ABCC4: variants seen among roughly 807,000 people sequenced by gnomAD.
ABCC4 encodes ATP binding cassette subfamily C member 4 (PEL blood group), also known as ATP-binding cassette sub-family C member 4.
In ABCC4, 102 loss-of-function variants were observed where a neutral mutation model predicts 168.5. That is an observed-to-expected ratio of 0.61 (90% CI 0.52 to 0.71). The LOEUF is 0.71. ABCC4 is among the 30% of genes least tolerant of loss of function. The probability of loss-of-function intolerance (pLI) is 0.00; values close to 1 mark genes in which losing one functional copy is unlikely to be tolerated. For synonymous variants in ABCC4, 617 were observed against 590.7 expected, an observed-to-expected ratio of 1.04 and a Z score of -0.65; for missense variants, 1,402 against 1,605.8, an observed-to-expected ratio of 0.87 and a Z score of 2.17.
At chr13:95,125,572 C>T (rs1223171039) in intron 19 of ABCC4, among the ~76,000 whole-genome samples, 1 of 152,072 alleles carries the variant, frequency 6.6e-6, no homozygotes, top group Non-Finnish European at 1.5e-5. Flanking sequence ...GACATGCAGC[C>T]TAATAAAAGG....
chr13:95,238,291 G>A (rs7329532), intron 3 of ABCC4, among the ~76,000 whole-genome samples: 4,396 of 151,988 alleles, frequency 0.029, 193 homozygotes, highest in African/African-American at 0.096. Flanking sequence ...TGAATCTGGG[G>A]AAATAATAAC....
intron 1 of ABCC4, among the ~76,000 whole-genome samples, chr13:95,282,172 A>T (rs9524881): frequency 0.35 from 53,495 of 151,654 alleles, 11,625 homozygotes; most frequent in Non-Finnish European, 0.48. Context: ...CTTCAAATAC[A>T]ATCACATTCT....
At chr13:95,272,208 C>T (rs1159785163) in intron 1 of ABCC4, among the ~76,000 whole-genome samples, 19 of 152,144 alleles carry the variant, frequency 1.2e-4, no homozygotes, top group Admixed American at 1.2e-3. Flanking sequence ...GCACACCCGG[C>T]TAATTTTTTG....
intron 4 of ABCC4, among the ~76,000 whole-genome samples, chr13:95,224,270 T>C (rs2039393525): frequency 6.6e-6 from 1 of 150,880 alleles, no homozygotes; most frequent in Admixed American, 6.6e-5. Context: ...AACAACTTAT[T>C]AGAAAGAATG....
At chr13:95,260,418 C>A (rs1019209359) in intron 1 of ABCC4, among the ~76,000 whole-genome samples, 6 of 152,164 alleles carry the variant, frequency 3.9e-5, no homozygotes, top group African/African-American at 1.4e-4. Context: ...AGTGGCGGTC[C>A]TTAAAAAGCT....
Position 95,177,716 on chromosome 13 carries a change from A to C in ABCC4, c.1718T>G (p.Leu573Trp). 1 of 1,609,598 alleles carries C rather than the reference A, an allele frequency of 6.2e-7. No individual in the cohort carries two copies. Among genetic ancestry groups the C allele is most frequent in the Non-Finnish European group, 8.5e-7 (1 of 1,176,558 alleles). The change falls in exon 13 of 31, where the codon TTG (leucine) becomes TGG (tryptophan). Residue 573 changes from leucine to tryptophan, a missense_variant. Leu to Trp is a moderately conservative substitution (Grantham distance 61). Transcript: ENST00000645237. ...SAVDAEVSRH[L>W]FELCICQILH... Reference sequence around the variant, plus strand: ...ACACAAACACACTCACAGTTCGAACAAGTGTCTGCTAACTTCCGCATCTAC... The same window carrying C: ...ACACAAACACACTCACAGTTCGAACCAGTGTCTGCTAACTTCCGCATCTAC...
At chr13:95,197,414 A>G (rs946984391) in intron 8 of ABCC4, among the ~76,000 whole-genome samples, 20 of 152,246 alleles carry the variant, frequency 1.3e-4, no homozygotes, top group African/African-American at 4.6e-4. Context: ...CAAAATAAAA[A>G]ACTATGCACA....
At chr13:95,164,652 T>C (rs995943705) in intron 15 of ABCC4, 134 bp from the exon 16 acceptor site, 53 of 851,232 alleles carry the variant, frequency 6.2e-5, no homozygotes, top group Non-Finnish European at 8.5e-5. Context: ...TGGAGAAGGG[T>C]GTGGAAATAG....
chr13:95,125,822 G>C (rs1036363797), intron 19 of ABCC4, among the ~76,000 whole-genome samples: 2 of 152,144 alleles, frequency 1.3e-5, no homozygotes, highest in Non-Finnish European at 2.9e-5. Context: ...AAAAAAGTTA[G>C]GAAGACAGAC....
At chr13:95,137,884 A>G (rs2139470219) in intron 19 of ABCC4, among the ~76,000 whole-genome samples, 1 of 152,314 alleles carries the variant, frequency 6.6e-6, no homozygotes, top group Non-Finnish European at 1.5e-5. Flanking sequence ...AGGGAGGCAA[A>G]CTGTTTGACA....
chr13:95,053,337 A>G (rs1006066524), intron 26 of ABCC4, among the ~76,000 whole-genome samples, 153 bp from the exon 27 acceptor site: 10 of 152,366 alleles, frequency 6.6e-5, no homozygotes, highest in African/African-American at 2.2e-4. Context: ...CAACATATCT[A>G]TTAATGTTCC....
In ABCC4 at chr13:95,237,670, C is replaced by G. The variant is rs114572862; in HGVS notation, c.307-2836G>C. ...CCTGACATTCGAGCCCCATCCCTTG[C>G]TTTCTTGGAGTGACACATTACATGT... On this transcript the variant is annotated intron_variant, in intron 3 of 30. Coordinates refer to ENST00000645237, the MANE Select transcript of ABCC4 (RefSeq NM_005845.5). 5.7e-3 allele frequency among the ~76,000 whole-genome samples: 873 copies of G among 152,256 alleles called. 10 individuals carry two copies. Among genetic ancestry groups the G allele is most frequent in the African/African-American group, 0.019 (795 of 41,550 alleles).
At chr13:95,281,702 C>T (rs60211292) in intron 1 of ABCC4, among the ~76,000 whole-genome samples, 1,782 of 152,292 alleles carry the variant, frequency 0.012, 34 homozygotes, top group African/African-American at 0.04. Flanking sequence ...GGACACATTA[C>T]TGCCCTACAA....
intron 1 of ABCC4, among the ~76,000 whole-genome samples, chr13:95,282,573 C>T (rs201435596): frequency 1.3e-5 from 2 of 151,638 alleles, no homozygotes; most frequent in Admixed American, 6.6e-5. Context: ...CTTGCTCTGT[C>T]GCCCAGGCTG....
intron 4 of ABCC4, among the ~76,000 whole-genome samples, chr13:95,215,405 A>T (rs2039082749): frequency 6.6e-6 from 1 of 152,194 alleles, no homozygotes; most frequent in African/African-American, 2.4e-5. Flanking sequence ...TGTCTAAAAA[A>T]AAATAAAAAA....
intron 25 of ABCC4, among the ~76,000 whole-genome samples, chr13:95,069,406 A>G (rs183644340): frequency 3.7e-4 from 56 of 152,346 alleles, no homozygotes; most frequent in African/African-American, 1.3e-3. Flanking sequence ...CTTTAAAAAA[A>G]AATTGTGGTA....
At chr13:95,231,185 T>C (rs1200066044) in intron 4 of ABCC4, among the ~76,000 whole-genome samples, 4 of 152,236 alleles carry the variant, frequency 2.6e-5, no homozygotes. Context: ...GATGAACAAA[T>C]TCTGTCGATG....
chr13:95,174,743 G>A (rs530929592), intron 13 of ABCC4, among the ~76,000 whole-genome samples: 4 of 152,264 alleles, frequency 2.6e-5, no homozygotes, highest in South Asian at 2.1e-4. Context: ...GGGGCCTCGC[G>A]CAAGACTCAA....
rs1318538725 is a variant in ABCC4 at position 95,071,752 on chromosome 13, C to T, written c.3120G>A (p.Val1040=). ...TGAAGTTCACATTGTCAAAGATTAT[C>T]ACTCCTTCATGGGGCCAGGCTGGTG... ...RPPPAWPHEG[V]IIFDNVNFMY... Residue 1040 remains valine (V), a synonymous_variant, in exon 25 of 31, where the codon GTG becomes GTA. Transcript: ENST00000645237. The T allele has an allele frequency of 2.5e-6, 4 of 1,606,526 alleles. No homozygotes were observed. Among genetic ancestry groups the T allele is most frequent in the Non-Finnish European group, 3.4e-6 (4 of 1,176,614 alleles).
Sources: gnomAD v4.1 joint callset for allele counts (sites outside exome capture counted in the v4.1 genomes callset) on GRCh38, gnomAD v4.1.1 for gene constraint, MANE v1.5 for transcripts, NCBI Gene and HGNC (gene_info 2026-07-23, HGNC 2026-07-21) for gene names.